Variants in ZEB1 observed in about 807,000 individuals in gnomAD.
The protein encoded by ZEB1 is zinc finger E-box-binding homeobox 1.
ZEB1 carries 21 observed loss-of-function variants against 84.9 expected under a neutral mutation model. The observed-to-expected ratio is 0.25, with a 90% confidence interval of 0.18 to 0.36. ZEB1 has a LOEUF of 0.36. Among genes scored for constraint, ZEB1 ranks in the 10% least tolerant of loss-of-function variants. The pLI is 1.00. For missense variants in ZEB1, 1,104 were observed against 1,330.2 expected (o/e 0.83, Z 2.65); for synonymous variants, 420 against 471.1 (o/e 0.89, Z 1.41).
chr10:31,476,244 T>G (rs1010389170), intron 2 of ZEB1, among the ~76,000 whole-genome samples: 5 of 151,584 alleles, frequency 3.3e-5, no homozygotes, highest in Non-Finnish European at 7.4e-5. Flanking sequence ...GAGAGAAAAT[T>G]CAAGTAAGCA....
chr10:31,426,165 G>A (rs1354504342), intron 1 of ZEB1, among the ~76,000 whole-genome samples: 1 of 152,156 alleles, frequency 6.6e-6, no homozygotes, highest in Non-Finnish European at 1.5e-5. Flanking sequence ...TTCTGAGGAT[G>A]TTCTGGTTAA....
chr10:31,476,089 CAGA>C (rs1395313961), intron 2 of ZEB1, among the ~76,000 whole-genome samples: 2 of 151,474 alleles, frequency 1.3e-5, no homozygotes, highest in South Asian at 2.1e-4. Flanking sequence ...AAGGGACTAG[CAGA>C]AGAAGAGAAA....
chr10:31,461,091 A>G lies in ZEB1; in HGVS notation c.113A>G (p.Lys38Arg), dbSNP rs184444132. Residue 38 changes from lysine (K) to arginine (R), a missense_variant, in exon 2 of 9, where the codon AAA (lysine) becomes AGA (arginine). Lys to Arg is a conservative substitution (Grantham distance 26). Around this residue, in one of 7 missense-constraint regions of ZEB1, gnomAD observed 162 missense variants for 184.5 expected, o/e 0.88. Coordinates refer to ENST00000424869, the MANE Select transcript of ZEB1 (RefSeq NM_001174096.2). ...AATTCAGATTCAGATGATGAAGACAAACTGCATATTGTGGAAGAAGAAAGT... is the reference window on the plus strand; with the variant it reads ...AATTCAGATTCAGATGATGAAGACAGACTGCATATTGTGGAAGAAGAAAGT... Reference protein sequence around the residue: ...ETNSDSDDEDKLHIVEEESVT... With the variant: ...ETNSDSDDEDRLHIVEEESVT... 1.9e-6 allele frequency: 3 copies of G among 1,613,550 alleles called. No homozygotes were observed. The highest frequency in any genetic ancestry group is 2.7e-5 in the African/African-American group (2 of 75,034).
At chr10:31,371,983 A>G (rs976536323) in intron 1 of ZEB1, among the ~76,000 whole-genome samples, 3 of 152,040 alleles carry the variant, frequency 2.0e-5, no homozygotes, top group Non-Finnish European at 4.4e-5. Context: ...AATAGGCTGG[A>G]TAGATATGCA....
At chr10:31,513,097 T>C (rs1279598866) in intron 5 of ZEB1, among the ~76,000 whole-genome samples, 1 of 152,174 alleles carries the variant, frequency 6.6e-6, no homozygotes, top group East Asian at 1.9e-4. Flanking sequence ...AGGGGAACAC[T>C]GACTGTTGGA....
At chr10:31,451,592 TG>T (rs1439363412) in intron 1 of ZEB1, among the ~76,000 whole-genome samples, 1 of 152,186 alleles carries the variant, frequency 6.6e-6, no homozygotes, top group Non-Finnish European at 1.5e-5. Context: ...GGTAATTTAG[TG>T]TGAATTATTT....
chr10:31,379,713 TA>T (rs35883303), intron 1 of ZEB1, among the ~76,000 whole-genome samples: 35,908 of 144,414 alleles, frequency 0.25, 9,346 homozygotes, highest in African/African-American at 0.66. Flanking sequence ...AGGCTTGAAT[TA>T]AAAAAAAAAA....
chr10:31,339,777 A>C (rs1304190896), intron 1 of ZEB1, among the ~76,000 whole-genome samples: 1 of 151,890 alleles, frequency 6.6e-6, no homozygotes, highest in Non-Finnish European at 1.5e-5. Context: ...TAAAAAAAAA[A>C]AAAAACCTAT....
At chr10:31,517,331 G>A (rs1018235907) in intron 6 of ZEB1, among the ~76,000 whole-genome samples, 6 of 151,932 alleles carry the variant, frequency 3.9e-5, no homozygotes, top group African/African-American at 1.5e-4. Flanking sequence ...CTACCTGTAG[G>A]AATTGAGCTA....
chr10:31,385,536 T>C (rs1422135713), intron 1 of ZEB1, among the ~76,000 whole-genome samples: 2 of 151,542 alleles, frequency 1.3e-5, no homozygotes, highest in Non-Finnish European at 2.9e-5. Flanking sequence ...TTCTTTTCTT[T>C]TTTTTTTTGA....
intron 1 of ZEB1, among the ~76,000 whole-genome samples, chr10:31,433,798 G>A (rs1284831073): frequency 1.3e-5 from 2 of 152,220 alleles, no homozygotes; most frequent in African/African-American, 4.8e-5. Flanking sequence ...GTTTGCTGCT[G>A]CTGCCTTGGT....
At chr10:31,346,698 A>C (rs979753687) in intron 1 of ZEB1, among the ~76,000 whole-genome samples, 1 of 152,156 alleles carries the variant, frequency 6.6e-6, no homozygotes, top group Non-Finnish European at 1.5e-5. Flanking sequence ...GTTAGGAAAA[A>C]TACCACCGTT....
chr10:31,390,026 A>T (rs560582266), intron 1 of ZEB1, among the ~76,000 whole-genome samples: 8 of 152,176 alleles, frequency 5.3e-5, no homozygotes, highest in African/African-American at 1.7e-4. Flanking sequence ...GACCCTGCGA[A>T]CTCCCCTTGT....
chr10:31,526,055 T>G (rs1042149866), intron 8 of ZEB1, among the ~76,000 whole-genome samples: 4 of 152,240 alleles, frequency 2.6e-5, no homozygotes, highest in African/African-American at 9.6e-5. Context: ...GCAACACTCC[T>G]GTAGCCCATG....
intron 6 of ZEB1, among the ~76,000 whole-genome samples, chr10:31,518,957 A>C (rs2071726290): frequency 6.6e-6 from 1 of 152,190 alleles, no homozygotes; most frequent in Admixed American, 6.5e-5. Flanking sequence ...AGCAATTTTT[A>C]GTAGGGCTTA....
intron 1 of ZEB1, among the ~76,000 whole-genome samples, chr10:31,348,004 C>CAT: frequency 6.6e-6 from 1 of 152,316 alleles, no homozygotes; most frequent in South Asian, 2.1e-4. Context: ...TGCTGTGCCA[C>CAT]ATACTAGTTG....
intron 1 of ZEB1, among the ~76,000 whole-genome samples, chr10:31,423,382 T>C (rs1355538498): frequency 6.6e-6 from 1 of 152,172 alleles, no homozygotes; most frequent in Non-Finnish European, 1.5e-5. Flanking sequence ...TAAATGTTTT[T>C]AAGTAAGCAT....
intron 2 of ZEB1, among the ~76,000 whole-genome samples, chr10:31,474,935 A>G (rs1466230502): frequency 1.3e-5 from 2 of 152,076 alleles, no homozygotes; most frequent in Non-Finnish European, 2.9e-5. Flanking sequence ...ATTGGAAATC[A>G]TCATTCTCAG....
intron 6 of ZEB1, among the ~76,000 whole-genome samples, chr10:31,516,452 A>G (rs2139669451): frequency 6.6e-6 from 1 of 150,656 alleles, no homozygotes; most frequent in Admixed American, 6.6e-5. Context: ...GAAATGCCAT[A>G]CATATGCTGG....
Sources: allele counts gnomAD v4.1 joint callset (sites outside exome capture counted in the v4.1 genomes callset), GRCh38; gene constraint gnomAD v4.1.1; regional missense constraint gnomAD v4.1.1; transcripts MANE v1.5; gene names NCBI Gene and HGNC (gene_info 2026-07-23, HGNC 2026-07-21).